Variants in CACNA1C observed in about 807,000 individuals in gnomAD.
The protein encoded by CACNA1C is voltage-dependent L-type calcium channel subunit alpha-1C.
In CACNA1C, 30 loss-of-function variants were observed where a neutral mutation model predicts 229.0. The ratio of observed to expected loss-of-function variants is 0.13; its 90% CI spans 0.10 to 0.18. The LOEUF is 0.18. Among genes scored for constraint, CACNA1C ranks in the 10% least tolerant of loss-of-function variants. The pLI is 1.00. For synonymous variants in CACNA1C, 1,114 were observed against 1,132.5 expected (o/e 0.98, Z 0.33); for missense variants, 1,658 against 2,845.0 (o/e 0.58, Z 9.49).
intron 3 of CACNA1C, among the ~76,000 whole-genome samples, chr12:2,356,639 G>C (rs1433913358): frequency 2.0e-5 from 3 of 152,248 alleles, no homozygotes; most frequent in Admixed American, 2.0e-4. Flanking sequence ...TGAAGAGGCA[G>C]ATGACCTCTG....
chr12:2,194,237 TTCCTCCTCCACTGCCTCCTCC>T (rs1304736425), intron 3 of CACNA1C, among the ~76,000 whole-genome samples: 1 of 124,184 alleles, frequency 8.1e-6, no homozygotes, highest in African/African-American at 3.4e-5. Context: ...ACTCCTTTTG[TTCCTCCTCCACTGCCTCCTCC>T]TCCTCCTCCT....
At chr12:2,499,462 G>A (rs540495447) in intron 7 of CACNA1C, among the ~76,000 whole-genome samples, 81 of 152,306 alleles carry the variant, frequency 5.3e-4, no homozygotes, top group Non-Finnish European at 1.0e-3. Context: ...AGTTGGCCTC[G>A]AGGAGAGGGG....
At chr12:2,581,859 G>A (rs1005333449) in intron 14 of CACNA1C, 62 bp downstream of exon 14, 200 of 1,058,038 alleles carry the variant, frequency 1.9e-4, no homozygotes, top group Non-Finnish European at 2.5e-4. Context: ...GTGGTGGGAG[G>A]AGTGTGGGAA....
At chr12:2,491,037 C>T (rs2099724773) in intron 6 of CACNA1C, among the ~76,000 whole-genome samples, 1 of 152,184 alleles carries the variant, frequency 6.6e-6, no homozygotes, top group Non-Finnish European at 1.5e-5. Context: ...AAATACACTG[C>T]TCAGCAATAA....
intron 9 of CACNA1C, among the ~76,000 whole-genome samples, chr12:2,536,672 T>A (rs1263647673): frequency 6.6e-6 from 1 of 151,840 alleles, no homozygotes; most frequent in African/African-American, 2.4e-5. Flanking sequence ...CTACAAAAAA[T>A]TTAAAAATTA....
intron 3 of CACNA1C, among the ~76,000 whole-genome samples, chr12:2,355,226 C>T (rs544190930): frequency 3.9e-5 from 6 of 152,284 alleles, no homozygotes; most frequent in Admixed American, 2.0e-4. Flanking sequence ...ACTTTGGGAT[C>T]TGCCCTCCTC....
intron 3 of CACNA1C, among the ~76,000 whole-genome samples, chr12:2,375,145 G>C (rs994131631): frequency 6.6e-6 from 1 of 152,210 alleles, no homozygotes; most frequent in Admixed American, 6.5e-5. Flanking sequence ...CCCAGTGCAG[G>C]GCGCACTTCT....
chr12:2,502,423 A>G (rs1031115713), intron 7 of CACNA1C, among the ~76,000 whole-genome samples: 1 of 152,246 alleles, frequency 6.6e-6, no homozygotes, highest in African/African-American at 2.4e-5. Context: ...TAAATAGGTA[A>G]TGATACAGTT....
chr12:2,071,324 C>T (rs7298013), intron 1 of CACNA1C, among the ~76,000 whole-genome samples: 72,155 of 150,392 alleles, frequency 0.48, 18,691 homozygotes, highest in Non-Finnish European at 0.6. Flanking sequence ...CTCAAGCAAT[C>T]CTTCCACCTC....
intron 1 of CACNA1C, among the ~76,000 whole-genome samples, chr12:1,988,597 T>C (rs2038476241): frequency 6.6e-6 from 1 of 152,234 alleles, no homozygotes; most frequent in African/African-American, 2.4e-5. Context: ...TTTCGTAAAA[T>C]GGATCCTTCA....
rs938541746 is a variant in CACNA1C at position 2,053,852 on chromosome 12, A to G, written c.49+241A>G. Among the ~76,000 whole-genome samples the G allele has an allele frequency of 1.9e-4, 28 of 150,290 alleles. No homozygotes were observed. The highest frequency in any genetic ancestry group is 6.6e-4 in the African/African-American group (27 of 41,180). On this transcript the variant is annotated intron_variant, in intron 1 of 46. Transcript: ENST00000399655. The surrounding 1 kb of genome is among the most constrained non-coding windows in gnomAD (Gnocchi z 5.8). ...CCCCTCCGGGCCCCAGCTTCTCCAG[A>G]GCATGTGTTTCCTGTGAAATTCCAG...
At position 2,585,505 on chromosome 12, in the gene CACNA1C, C is replaced by T; in HGVS notation, c.2460+9C>T. ...CTCCACCCGCCACCAAGGTGAGGAG[C>T]TGTCTCCTTCCTGGAGCTGTGAGGC... On this transcript the variant is annotated intron_variant, in intron 17 of 46. Coordinates refer to ENST00000399655, the MANE Select transcript of CACNA1C (RefSeq NM_000719.7). The surrounding 1 kb of genome is among the most constrained non-coding windows in gnomAD (Gnocchi z 4.1). The T allele has an allele frequency of 6.5e-7, 1 of 1,549,390 alleles. No homozygotes were observed. The highest frequency in any genetic ancestry group is 8.7e-7 in the Non-Finnish European group (1 of 1,145,436).
intron 3 of CACNA1C, among the ~76,000 whole-genome samples, chr12:2,177,553 CCCTTTCCT>C: frequency 7.4e-6 from 1 of 135,690 alleles, no homozygotes; most frequent in African/African-American, 2.7e-5. Context: ...TTCCTTCCTT[CCCTTTCCT>C]TCCCTCCCTC....
At chr12:2,438,667 A>G (rs1239413822) in intron 3 of CACNA1C, among the ~76,000 whole-genome samples, 2 of 151,988 alleles carry the variant, frequency 1.3e-5, no homozygotes, top group Non-Finnish European at 2.9e-5. Context: ...ACAGACCTTG[A>G]ACCATGCTAA....
intron 29 of CACNA1C, among the ~76,000 whole-genome samples, chr12:2,618,833 C>T (rs1352000264): frequency 1.3e-5 from 2 of 152,208 alleles, no homozygotes; most frequent in Non-Finnish European, 2.9e-5. Context: ...AGCGGAGAAT[C>T]TTCTAGGAAC....
At chr12:2,257,590 G>A (rs1018057197) in intron 3 of CACNA1C, among the ~76,000 whole-genome samples, 30 of 152,188 alleles carry the variant, frequency 2.0e-4, no homozygotes, top group African/African-American at 7.0e-4. Flanking sequence ...CTTGCCCACC[G>A]CTCATCTCCT....
rs2093298218 is a variant in CACNA1C, at chr12:2,639,061, C to T, written c.3912+4681C>T. Among the ~76,000 whole-genome samples, 1 of 152,326 alleles carries T rather than the reference C, an allele frequency of 6.6e-6. No individual in the cohort carries two copies. Among genetic ancestry groups the T allele is most frequent in the African/African-American group, 2.4e-5 (1 of 41,578 alleles). On this transcript the variant is annotated intron_variant, in intron 30 of 46. Coordinates refer to ENST00000399655, the MANE Select transcript of CACNA1C (RefSeq NM_000719.7). This position sits in a 1 kb window ranked among gnomAD's most constrained non-coding sequence, Gnocchi z 4.2. ...AAACTTCTGTTCATCTGGGAGATGC[C>T]GCTGAACAACTGCCAGGTGTCACAA...
chr12:2,491,083 G>A (rs1403103430), intron 6 of CACNA1C, among the ~76,000 whole-genome samples: 4 of 152,192 alleles, frequency 2.6e-5, no homozygotes, highest in South Asian at 2.1e-4. Context: ...GCAGCAGCAC[G>A]GATGAAACTC....
At chr12:2,104,965 C>T (rs1175744139) in intron 1 of CACNA1C, among the ~76,000 whole-genome samples, 2 of 152,206 alleles carry the variant, frequency 1.3e-5, no homozygotes, top group Non-Finnish European at 2.9e-5. Context: ...TCCCTATGGT[C>T]TCTGATGTCA....
Sources: gnomAD v4.1 joint callset for allele counts (sites outside exome capture counted in the v4.1 genomes callset) on GRCh38, gnomAD v4.1.1 for gene constraint, Gnocchi (gnomAD v3.1) non-coding constraint, MANE v1.5 for transcripts, NCBI Gene and HGNC (gene_info 2026-07-23, HGNC 2026-07-21) for gene names.